The following PRDM15 variants were observed in gnomAD, a reference collection of about 807,000 sequenced individuals.
PRDM15 encodes the protein PR domain zinc finger protein 15.
PRDM15 carries 64 observed loss-of-function variants against 128.6 expected under a neutral mutation model. The ratio of observed to expected loss-of-function variants is 0.50; its 90% confidence interval spans 0.41 to 0.61. PRDM15 has a LOEUF of 0.61. PRDM15 is among the 20% of genes least tolerant of loss of function. The pLI is 0.00. For missense variants in PRDM15, 1,242 were observed against 1,569.1 expected (o/e 0.79, Z 3.52); for synonymous variants, 615 against 621.8 (o/e 0.99, Z 0.16).
intron 11 of PRDM15, among the ~76,000 whole-genome samples, chr21:41,829,683 T>C (rs1409396955): frequency 1.4e-5 from 2 of 143,004 alleles, no homozygotes; most frequent in Admixed American, 1.4e-4. Flanking sequence ...ACCCCAAATA[T>C]ACACACACCA....
intron 18 of PRDM15, among the ~76,000 whole-genome samples, chr21:41,818,532 G>C (rs2062133646): frequency 1.3e-5 from 2 of 152,320 alleles, no homozygotes; most frequent in South Asian, 4.1e-4. Flanking sequence ...GCTGGCCTCT[G>C]AGGTGAGGAA....
chr21:41,867,182 T>G, intron 1 of PRDM15: 1 of 707,310 alleles, frequency 1.4e-6, no homozygotes, highest in Non-Finnish European at 2.4e-6. Flanking sequence ...GATTTTCTAT[T>G]CACACACAGA....
At chr21:41,835,268 T>G (rs1161852341) in intron 11 of PRDM15, among the ~76,000 whole-genome samples, 169 bp downstream of exon 11, 1 of 152,156 alleles carries the variant, frequency 6.6e-6, no homozygotes, top group Non-Finnish European at 1.5e-5. Context: ...CTGTGTATCT[T>G]TAGGGTAACA....
At chr21:41,873,428 G>A (rs181026632) in intron 1 of PRDM15, among the ~76,000 whole-genome samples, 233 of 152,318 alleles carry the variant, frequency 1.5e-3, no homozygotes, top group Middle Eastern at 3.4e-3. Context: ...TCCATGGTCC[G>A]TCAGCTTCCA....
In PRDM15 at chr21:41,828,802, G is replaced by A. The variant is rs1459190749; in HGVS notation, c.1367-469C>T. On this transcript the variant is annotated intron_variant, in intron 11 of 23. Transcript: ENST00000398548. This position sits in a 1 kb window ranked among gnomAD's most constrained non-coding sequence, Gnocchi z 5.7. The stretch of plus-strand genomic sequence containing the variant: ...GCCGCCCCTGCCCCCAGGATCCCTG[G>A]TGTTGGCCCCTCCCAACTCCTTCCC... Among the ~76,000 whole-genome samples the A allele has an allele frequency of 1.3e-5, 2 of 151,930 alleles. No individual in the cohort carries two copies. The highest frequency in any genetic ancestry group is 2.4e-5 in the African/African-American group (1 of 41,314).
chr21:41,810,447 G>A lies in PRDM15; in HGVS notation c.2477-118C>T, dbSNP rs891375277. The A allele has an allele frequency of 8.3e-5, 101 of 1,213,148 alleles. No homozygotes were observed. The highest frequency in any genetic ancestry group is 4.4e-4 in the South Asian group (30 of 68,692). 75.1% of individuals were successfully genotyped at this position (1,213,148 alleles called of 1,614,324 possible). ...CGAGGCAAGAAGCCTGTCACGCCCC[G>A]CCCATCCTGAGAGGGCCGGTGCTGG... On this transcript the variant is annotated intron_variant, in intron 20 of 23. Coordinates refer to ENST00000398548, the MANE Select transcript of PRDM15 (RefSeq NM_001040424.3). This position sits in a 1 kb window ranked among gnomAD's most constrained non-coding sequence, Gnocchi z 6.4.
intron 23 of PRDM15, 117 bp from the exon 24 acceptor site, chr21:41,801,839 AAG>A (rs1392783633): frequency 1.7e-6 from 2 of 1,169,286 alleles, no homozygotes; most frequent in Non-Finnish European, 2.4e-6. Flanking sequence ...TCTTTGGTGA[AAG>A]AGGAAACCGA....
At chr21:41,874,767 C>CA (rs1316466814) in intron 1 of PRDM15, 6 of 152,074 alleles carry the variant, frequency 3.9e-5, no homozygotes, top group African/African-American at 1.4e-4. Context: ...GGTCAGCACT[C>CA]AGAGCTGTCA....
intron 23 of PRDM15, among the ~76,000 whole-genome samples, chr21:41,802,131 T>C (rs1170568073): frequency 6.6e-6 from 1 of 152,198 alleles, no homozygotes; most frequent in Non-Finnish European, 1.5e-5. Flanking sequence ...TTCTCTTTCA[T>C]GGAGAGGGAT....
chr21:41,834,521 C>T, intron 11 of PRDM15: 1 of 1,550,370 alleles, frequency 6.5e-7, no homozygotes, highest in Non-Finnish European at 8.7e-7. Context: ...GGTCTCTAAG[C>T]CGACTGCCGC....
At chr21:41,857,476 C>A (rs2063671461) in intron 3 of PRDM15, 147 bp from the exon 4 acceptor site, 8 of 858,704 alleles carry the variant, frequency 9.3e-6, no homozygotes, top group Non-Finnish European at 1.4e-5. Flanking sequence ...GCCTTCCAGG[C>A]CAGGCTTGGT....
intron 1 of PRDM15, chr21:41,878,557 G>GT (rs1214565017): frequency 2.2e-6 from 1 of 452,018 alleles, no homozygotes; most frequent in Non-Finnish European, 3.9e-6. Context: ...TCACCTGAGC[G>GT]GCCGGGCACG....
At chr21:41,851,602 G>A (rs532568677) in intron 5 of PRDM15, among the ~76,000 whole-genome samples, 5 of 152,306 alleles carry the variant, frequency 3.3e-5, no homozygotes, top group East Asian at 1.9e-4. Flanking sequence ...GACAGGCAGC[G>A]TGTGTGTGAG....
chr21:41,822,838 C>T lies in PRDM15; in HGVS notation c.1761+480G>A, dbSNP rs140625470. Among the ~76,000 whole-genome samples, 253 of 152,110 alleles carry T rather than the reference C, an allele frequency of 1.7e-3. 1 individual carries two copies. Among genetic ancestry groups the T allele is most frequent in the South Asian group, 7.5e-3 (36 of 4,812 alleles). On this transcript the variant is annotated intron_variant, in intron 14 of 23. Transcript: ENST00000398548. ...TCACTTGAGGTCAGGAGTTCAAGAC[C>T]AGCCGGGCCAACAAGGTGAAACCCT...
At chr21:41,819,929 G>C in intron 17 of PRDM15, 166 bp downstream of exon 17, 1 of 774,890 alleles carries the variant, frequency 1.3e-6, no homozygotes, top group Admixed American at 2.3e-5. Context: ...GCTGGGCTGT[G>C]AGTGGCAGGG....
chr21:41,878,586 A>C, intron 1 of PRDM15: 2 of 556,432 alleles, frequency 3.6e-6, no homozygotes, highest in East Asian at 4.4e-5. Context: ...CCGAACGGCC[A>C]CCCACCCCGG....
chr21:41,871,430 G>A lies in PRDM15; in HGVS notation c.-10+7840C>T, dbSNP rs111949488. ...TCCCTCTTAAGCAGCAGCTGCCATT[G>A]TTAAAGCCACAGGCTGTCCCTGTCT... On this transcript the variant is annotated intron_variant, in intron 1 of 23. Coordinates refer to ENST00000398548, the MANE Select transcript of PRDM15 (RefSeq NM_001040424.3). 965 of 1,346,686 alleles carry A rather than the reference G, an allele frequency of 7.2e-4. 7 individuals are homozygous for A. The African/African-American group carries it at 0.012, about 17-fold the overall frequency. 83.4% of individuals were successfully genotyped at this position (1,346,686 alleles called of 1,614,324 possible). A position where few individuals can be genotyped will look rare whatever the true frequency, so the allele number is the denominator to read the frequency against.
At chr21:41,823,660 C>A (rs758645606) in intron 13 of PRDM15, among the ~76,000 whole-genome samples, 13 of 152,182 alleles carry the variant, frequency 8.5e-5, no homozygotes, top group Non-Finnish European at 1.9e-4. Context: ...TAAACAGGTG[C>A]TTACGTTACA....
chr21:41,857,264 A>G lies in PRDM15; in HGVS notation c.197T>C (p.Ile66Thr), dbSNP rs1357363477. 30 of 1,613,776 alleles carry G rather than the reference A, an allele frequency of 1.9e-5. No homozygotes were observed. The highest frequency in any genetic ancestry group is 6.7e-5 in the East Asian group (3 of 44,890). ...LEDGAEGVFA[I>T]TQLVKRTQFG... Reference sequence around the variant, plus strand: ...CTGTGTCCGCTTGACGAGCTGAGTGATGGCGAACACCCCCTCGGCTCCATC... The same window carrying G: ...CTGTGTCCGCTTGACGAGCTGAGTGGTGGCGAACACCCCCTCGGCTCCATC... The change falls in exon 4 of 24, where the codon ATC becomes ACC. Residue 66 changes from isoleucine (I) to threonine (T), a missense_variant. Transcript: ENST00000398548.
Sources: allele counts gnomAD v4.1 joint callset (sites outside exome capture counted in the v4.1 genomes callset), GRCh38; gene constraint gnomAD v4.1.1; non-coding constraint Gnocchi (gnomAD v3.1); transcripts MANE v1.5; gene names NCBI Gene and HGNC (gene_info 2026-07-23, HGNC 2026-07-21).